The following IQCM variants were observed in gnomAD, a reference collection of about 807,000 sequenced individuals.
The protein encoded by IQCM is IQ motif containing M, also known as IQ domain-containing protein M.
A neutral mutation model predicts 57.6 loss-of-function variants in IQCM; 45 were observed. The ratio of observed to expected loss-of-function variants is 0.78; its 90% CI spans 0.62 to 1.00. IQCM has a LOEUF of 1.00. Ranked by LOEUF, IQCM falls within the 50% of genes least tolerant of loss-of-function variation. IQCM has a pLI of 0.00. For missense variants in IQCM, 468 were observed against 511.6 expected (o/e 0.91, Z 0.82); for synonymous variants, 148 against 158.9 (o/e 0.93, Z 0.51).
chr4:149,623,321 A>G (rs945629231), intron 7 of IQCM, among the ~76,000 whole-genome samples: 2 of 152,214 alleles, frequency 1.3e-5, no homozygotes, highest in South Asian at 2.1e-4. Flanking sequence ...TATTTTTCCA[A>G]TAGAGTCCAG....
intron 2 of IQCM, among the ~76,000 whole-genome samples, chr4:149,761,175 T>C (rs568682379): frequency 3.2e-4 from 49 of 152,234 alleles, no homozygotes; most frequent in African/African-American, 1.1e-3. Flanking sequence ...AATCTAGCTT[T>C]CCTTCACATA....
intron 7 of IQCM, among the ~76,000 whole-genome samples, chr4:149,672,672 G>A (rs1761404348): frequency 6.6e-6 from 1 of 152,186 alleles, no homozygotes; most frequent in Non-Finnish European, 1.5e-5. Flanking sequence ...GAAAGTGACA[G>A]GGAGAGTGGA....
At chr4:149,387,292 C>T (rs1352708864) in intron 13 of IQCM, among the ~76,000 whole-genome samples, 1 of 152,002 alleles carries the variant, frequency 6.6e-6, no homozygotes, top group Non-Finnish European at 1.5e-5. Context: ...CTAATCATCT[C>T]CCAAAGGCCC....
chr4:149,714,059 T>C (rs1323175499), intron 5 of IQCM, among the ~76,000 whole-genome samples: 5 of 152,174 alleles, frequency 3.3e-5, no homozygotes, highest in Non-Finnish European at 5.9e-5. Context: ...TTTGAATTGA[T>C]CACGCTACTA....
chr4:149,575,487 G>T (rs1751546400), intron 9 of IQCM, among the ~76,000 whole-genome samples: 1 of 151,844 alleles, frequency 6.6e-6, no homozygotes, highest in South Asian at 2.1e-4. Context: ...GGAAGATAAT[G>T]TCACTTTAAT....
intron 8 of IQCM, among the ~76,000 whole-genome samples, chr4:149,596,955 A>G (rs1024458865): frequency 6.6e-5 from 10 of 152,268 alleles, no homozygotes; most frequent in Non-Finnish European, 1.3e-4. Flanking sequence ...AACATGAGAA[A>G]GCAGCAATCA....
chr4:149,464,606 T>C (rs1178708918), intron 12 of IQCM, among the ~76,000 whole-genome samples: 1 of 152,136 alleles, frequency 6.6e-6, no homozygotes, highest in Non-Finnish European at 1.5e-5. Context: ...CTCCAAGTAT[T>C]GTTTTTGACG....
At chr4:149,382,155 T>C (rs1043246560) in intron 13 of IQCM, among the ~76,000 whole-genome samples, 2 of 152,168 alleles carry the variant, frequency 1.3e-5, no homozygotes, top group Non-Finnish European at 2.9e-5. Flanking sequence ...GCAGGGATTT[T>C]TGACTATTGA....
chr4:149,402,056 A>G (rs1732653540), intron 13 of IQCM, among the ~76,000 whole-genome samples: 1 of 151,884 alleles, frequency 6.6e-6, no homozygotes, highest in African/African-American at 2.4e-5. Context: ...CTGAATTATA[A>G]TATTTTTCTT....
intron 12 of IQCM, among the ~76,000 whole-genome samples, chr4:149,455,951 G>A (rs962650521): frequency 2.0e-5 from 3 of 151,100 alleles, no homozygotes; most frequent in Admixed American, 2.0e-4. Context: ...CTTCAGCCTG[G>A]GTAACAGAAT....
At chr4:149,587,212 C>T (rs1391465376) in intron 9 of IQCM, among the ~76,000 whole-genome samples, 1 of 151,750 alleles carries the variant, frequency 6.6e-6, no homozygotes, top group African/African-American at 2.4e-5. Flanking sequence ...GGGGATCTTA[C>T]CCATTGCAGT....
At chr4:149,741,432 G>A (rs915173599) in intron 3 of IQCM, among the ~76,000 whole-genome samples, 2 of 152,088 alleles carry the variant, frequency 1.3e-5, no homozygotes, top group African/African-American at 4.8e-5. Flanking sequence ...ATAGCATCAA[G>A]GTCATGTGGG....
intron 2 of IQCM, among the ~76,000 whole-genome samples, chr4:149,766,158 T>A (rs1215081172): frequency 1.3e-5 from 2 of 152,074 alleles, no homozygotes; most frequent in Non-Finnish European, 2.9e-5. Flanking sequence ...AAGAACCCAC[T>A]GGGCTGTAAC....
intron 7 of IQCM, among the ~76,000 whole-genome samples, chr4:149,635,292 C>A (rs976755481): frequency 1.3e-5 from 2 of 152,180 alleles, no homozygotes; most frequent in African/African-American, 4.8e-5. Flanking sequence ...ATTCCTAGAT[C>A]AGAACTATTC....
chr4:149,567,410 G>A (rs552899215), intron 9 of IQCM, among the ~76,000 whole-genome samples: 29 of 151,936 alleles, frequency 1.9e-4, no homozygotes, highest in African/African-American at 5.6e-4. Context: ...GCAGCAGTGC[G>A]ATCTACTCTC....
chr4:149,591,096 A>G (rs769239110), intron 8 of IQCM, among the ~76,000 whole-genome samples: 1 of 152,042 alleles, frequency 6.6e-6, no homozygotes, highest in Non-Finnish European at 1.5e-5. Flanking sequence ...ATTGAAAACT[A>G]CTTTTCATAC....
intron 13 of IQCM, among the ~76,000 whole-genome samples, chr4:149,378,359 C>G (rs779615602): frequency 6.6e-6 from 1 of 151,950 alleles, no homozygotes; most frequent in African/African-American, 2.4e-5. Context: ...GGAAAATGTG[C>G]GAAAGTTTGG....
intron 2 of IQCM, among the ~76,000 whole-genome samples, chr4:149,770,016 A>G (rs1435996676): frequency 6.6e-6 from 1 of 151,140 alleles, no homozygotes; most frequent in Non-Finnish European, 1.5e-5. Flanking sequence ...TCAACAAAAA[A>G]GAAAAAAAAT....
intron 13 of IQCM, among the ~76,000 whole-genome samples, chr4:149,371,765 T>C (rs992256952): frequency 2.0e-5 from 3 of 152,208 alleles, no homozygotes; most frequent in Admixed American, 6.5e-5. Context: ...AGCATTTTTC[T>C]ACTTCTCAAA....
Sources: allele counts gnomAD v4.1 joint callset (sites outside exome capture counted in the v4.1 genomes callset), GRCh38; gene constraint gnomAD v4.1.1; transcripts MANE v1.5; gene names NCBI Gene and HGNC (gene_info 2026-07-23, HGNC 2026-07-21).